ZBBX: variants seen among roughly 807,000 people sequenced by gnomAD.
ZBBX encodes the protein zinc finger B-box domain-containing protein 1.
A neutral mutation model predicts 108.5 loss-of-function variants in ZBBX; 101 were observed. The observed-to-expected ratio is 0.93, with a 90% CI of 0.79 to 1.10. The LOEUF (loss-of-function observed/expected upper bound fraction) is 1.10, where lower values mean the gene tolerates loss of function less well. Among genes scored for constraint, ZBBX ranks in the 50% least tolerant of loss-of-function variants. The pLI is 0.00. For missense variants in ZBBX, 1,009 were observed against 941.4 expected, an observed-to-expected ratio of 1.07 and a Z score of -0.94; for synonymous variants, 356 against 323.4, an observed-to-expected ratio of 1.10 and a Z score of -1.08.
At chr3:167,365,494 A>G (rs1265484733) in intron 6 of ZBBX, among the ~76,000 whole-genome samples, 1 of 151,782 alleles carries the variant, frequency 6.6e-6, no homozygotes, top group African/African-American at 2.4e-5. Flanking sequence ...GAAGCAGAAT[A>G]TAAAACATTA....
At chr3:167,226,431 G>T in the ZBBX span, among the ~76,000 whole-genome samples, 1 of 151,736 alleles carries the variant, frequency 6.6e-6, no homozygotes, top group Non-Finnish European at 1.5e-5. Context: ...TTAATCTGTA[G>T]AGTTGTGAGA....
chr3:167,259,337 G>A (rs1724060959), intron 20 of ZBBX, among the ~76,000 whole-genome samples: 1 of 152,050 alleles, frequency 6.6e-6, no homozygotes, highest in Admixed American at 6.6e-5. Context: ...TCATTTCTTA[G>A]TGAGGTTATT....
chr3:167,394,036 A>G (rs541167732), intron 1 of ZBBX, among the ~76,000 whole-genome samples: 2 of 152,086 alleles, frequency 1.3e-5, no homozygotes, highest in East Asian at 3.9e-4. Context: ...TTTTCCATAC[A>G]TACCAAAATC....
chr3:167,278,475 T>G (rs1728109541), intron 20 of ZBBX, among the ~76,000 whole-genome samples: 1 of 114,074 alleles, frequency 8.8e-6, no homozygotes, highest in African/African-American at 3.7e-5. Flanking sequence ...CAAACACCTC[T>G]ACGCAAATAA....
At position 167,351,518 on chromosome 3, in the gene ZBBX, G is replaced by A. The variant is rs150907038; in HGVS notation, c.433-1003C>T. On this transcript the variant is annotated intron_variant, in intron 8 of 21. Coordinates refer to ENST00000675490, the MANE Select transcript of ZBBX (RefSeq NM_001199201.2). ...TTGGGGTCACTGGGACCTGGACCCA[G>A]GGAAGGAGTAAGTGAAGGATTTCCA... is the stretch of plus-strand genomic sequence containing the variant. Among the ~76,000 whole-genome samples, 365 of 152,290 alleles carry A rather than the reference G, an allele frequency of 2.4e-3. 2 individuals are homozygous for A. The highest frequency in any genetic ancestry group is 7.4e-3 in the African/African-American group (306 of 41,578).
At chr3:167,278,584 G>T (rs1728147566) in intron 20 of ZBBX, among the ~76,000 whole-genome samples, 2 of 150,004 alleles carry the variant, frequency 1.3e-5, no homozygotes, top group Non-Finnish European at 3.0e-5. Context: ...CCAATAACAG[G>T]ATCTGAAATT....
the ZBBX span, among the ~76,000 whole-genome samples, chr3:167,233,862 T>C: frequency 6.6e-6 from 1 of 151,794 alleles, no homozygotes; most frequent in Non-Finnish European, 1.5e-5. Flanking sequence ...TGTGACAACA[T>C]AAATTCCAGG....
chr3:167,248,062 G>A lies in ZBBX; in HGVS notation c.2255-5419C>T, dbSNP rs550993400. On this transcript the variant is annotated intron_variant, in intron 20 of 21. Coordinates refer to ENST00000675490, the MANE Select transcript of ZBBX (RefSeq NM_001199201.2). The stretch of plus-strand genomic sequence containing the variant: ...ACGAGCATTAGGTTCAGCCATCAAA[G>A]GTGCAAATCAGATCAATTTTTCCTA... 5.7e-4 allele frequency among the ~76,000 whole-genome samples: 87 copies of A among 152,310 alleles called. 2 individuals carry two copies. Among genetic ancestry groups the A allele is most frequent in the Admixed American group, 5.0e-3 (77 of 15,300 alleles).
At chr3:167,310,495 T>C (rs976342540) in intron 16 of ZBBX, among the ~76,000 whole-genome samples, 1 of 152,200 alleles carries the variant, frequency 6.6e-6, no homozygotes, top group Non-Finnish European at 1.5e-5. Context: ...AGAGGCTTAA[T>C]TGACTCACAG....
chr3:167,345,995 C>T (rs1741384637), intron 9 of ZBBX, among the ~76,000 whole-genome samples: 1 of 151,996 alleles, frequency 6.6e-6, no homozygotes, highest in Middle Eastern at 3.4e-3. Context: ...CCCCCTTGTG[C>T]ATGTCATACT....
chr3:167,262,055 G>A (rs927353242), intron 20 of ZBBX, among the ~76,000 whole-genome samples: 16 of 152,090 alleles, frequency 1.1e-4, no homozygotes, highest in South Asian at 2.1e-4. Context: ...TATTTTGCTC[G>A]GCTCTCCAAA....
chr3:167,360,783 G>T (rs1350460083), intron 6 of ZBBX, 60 bp from the exon 7 acceptor site: 7 of 1,088,742 alleles, frequency 6.4e-6, no homozygotes, highest in Non-Finnish European at 8.8e-6. Context: ...AACGAAAGTT[G>T]CCAACAAAAA....
In ZBBX at chr3:167,328,034, G is replaced by A. The variant is rs1192908227; in HGVS notation, c.770C>T (p.Ala257Val). 6.2e-7 allele frequency: 1 copy of A among 1,613,424 alleles called. No homozygotes were observed. Among genetic ancestry groups the A allele is most frequent in the African/African-American group, 1.3e-5 (1 of 74,802 alleles). ...LLCEGSFDEE[A>V]SAQSFQEVLS... Reference sequence around the variant, plus strand: ...CACTTCCTGAAAGGACTGTGCAGAAGCTTCTTCATCGAATGACCCTTCACA... The same window carrying A: ...CACTTCCTGAAAGGACTGTGCAGAAACTTCTTCATCGAATGACCCTTCACA... The change falls in exon 11 of 22, where the codon GCT (alanine) becomes GTT (valine). Residue 257 changes from alanine to valine, a missense_variant. Physicochemically the swap from Ala to Val is moderately conservative, Grantham distance 64 (BLOSUM62 0). Coordinates refer to ENST00000675490, the MANE Select transcript of ZBBX (RefSeq NM_001199201.2).
intron 20 of ZBBX, among the ~76,000 whole-genome samples, chr3:167,247,099 G>T (rs943929818): frequency 6.6e-6 from 1 of 152,160 alleles, no homozygotes; most frequent in African/African-American, 2.4e-5. Flanking sequence ...GTGCACAAAT[G>T]TTGCATTTCC....
the ZBBX span, among the ~76,000 whole-genome samples, chr3:167,209,352 G>A: frequency 6.6e-6 from 1 of 151,954 alleles, no homozygotes; most frequent in Non-Finnish European, 1.5e-5. Context: ...AGGGGTACTT[G>A]TGTCACCCCC....
At chr3:167,302,793 C>T (rs904308223) in intron 17 of ZBBX, among the ~76,000 whole-genome samples, 3 of 152,174 alleles carry the variant, frequency 2.0e-5, no homozygotes, top group Non-Finnish European at 4.4e-5. Flanking sequence ...CCAGTTTTCA[C>T]AGGACATCAT....
Position 167,327,873 on chromosome 3 carries a change from C to G in ZBBX, c.862+69G>C, listed in dbSNP as rs142229983. The G allele has an allele frequency of 2.0e-5, 30 of 1,464,436 alleles. 1 individual carries two copies. In the South Asian group the frequency reaches 4.1e-4, roughly 20 times the overall value. 90.7% of individuals were successfully genotyped at this position (1,464,436 alleles called of 1,614,324 possible). A position where few individuals can be genotyped will look rare whatever the true frequency, so the allele number is the denominator to read the frequency against. On this transcript the variant is annotated intron_variant, in intron 11 of 21. Transcript: ENST00000675490. ...AGGTTGCAGTAAGCCAAGATCACGC[C>G]GCTGCACTCCAGCCTGGGCAACAAA... is the stretch of plus-strand genomic sequence containing the variant.
intron 17 of ZBBX, among the ~76,000 whole-genome samples, chr3:167,305,172 C>T (rs1442352990): frequency 1.3e-5 from 2 of 152,124 alleles, no homozygotes; most frequent in Non-Finnish European, 2.9e-5. Context: ...ATCTACACCT[C>T]TATTTCCTTA....
intron 8 of ZBBX, among the ~76,000 whole-genome samples, chr3:167,354,307 G>A (rs552580394): frequency 6.6e-5 from 10 of 151,702 alleles, no homozygotes; most frequent in African/African-American, 2.2e-4. Flanking sequence ...ACATCATAAA[G>A]TCAAAAAATT....
Sources: gnomAD v4.1 joint callset for allele counts (sites outside exome capture counted in the v4.1 genomes callset) on GRCh38, gnomAD v4.1.1 for gene constraint, MANE v1.5 for transcripts, NCBI Gene and HGNC (gene_info 2026-07-23, HGNC 2026-07-21) for gene names.